The following AUTS2 variants were observed in gnomAD, a reference collection of about 807,000 sequenced individuals.
The protein encoded by AUTS2 is autism susceptibility gene 2 protein.
Under a neutral mutation model 112.4 loss-of-function variants are expected in AUTS2, and 17 were observed. The ratio of observed to expected loss-of-function variants is 0.15; its 90% confidence interval spans 0.10 to 0.23. AUTS2 has a LOEUF of 0.23. Ranked by LOEUF, AUTS2 falls within the 10% of genes least tolerant of loss-of-function variation. AUTS2 has a pLI of 1.00. For missense variants in AUTS2, 1,510 were observed against 1,701.6 expected, an observed-to-expected ratio of 0.89 and a Z score of 1.98; for synonymous variants, 751 against 702.7, an observed-to-expected ratio of 1.07 and a Z score of -1.09.
chr7:70,475,154 T>C (rs1181673321), intron 5 of AUTS2, among the ~76,000 whole-genome samples: 1 of 152,250 alleles, frequency 6.6e-6, no homozygotes, highest in East Asian at 1.9e-4. Flanking sequence ...CTCTGCCCCA[T>C]GGCTAGAGAC....
intron 2 of AUTS2, among the ~76,000 whole-genome samples, chr7:70,066,038 G>T (rs1210671381): frequency 6.6e-6 from 1 of 152,202 alleles, no homozygotes. Context: ...GATCAGTTGT[G>T]TGTTAGCAGC....
intron 1 of AUTS2, among the ~76,000 whole-genome samples, chr7:69,748,031 T>C (rs565967309): frequency 6.7e-6 from 1 of 149,100 alleles, no homozygotes; most frequent in South Asian, 2.1e-4. Context: ...AGAATAAATT[T>C]ATGGATTTTT....
intron 4 of AUTS2, among the ~76,000 whole-genome samples, chr7:70,426,544 T>A (rs1168721401): frequency 6.6e-6 from 1 of 152,180 alleles, no homozygotes; most frequent in Admixed American, 6.5e-5. Flanking sequence ...AGTGTCTCAT[T>A]TAACGGCACC....
chr7:69,832,386 C>T (rs572107238), intron 1 of AUTS2, among the ~76,000 whole-genome samples: 11 of 152,230 alleles, frequency 7.2e-5, no homozygotes, highest in Admixed American at 2.0e-4. Flanking sequence ...TCTAGAATGA[C>T]GTTGCAGTTG....
At chr7:69,679,514 G>T (rs929858466) in intron 1 of AUTS2, among the ~76,000 whole-genome samples, 2 of 152,160 alleles carry the variant, frequency 1.3e-5, no homozygotes, top group East Asian at 1.9e-4. Context: ...TTGATTTTAT[G>T]GAAATAAATG....
intron 4 of AUTS2, among the ~76,000 whole-genome samples, chr7:70,330,284 C>T (rs1335019639): frequency 3.3e-5 from 5 of 152,180 alleles, no homozygotes; most frequent in South Asian, 2.1e-4. Context: ...TGTTGATCCA[C>T]GTTGAATTAA....
chr7:70,742,298 C>T (rs1275366660), intron 6 of AUTS2, among the ~76,000 whole-genome samples: 3 of 152,190 alleles, frequency 2.0e-5, no homozygotes, highest in African/African-American at 4.8e-5. Flanking sequence ...CTCCCCCCGC[C>T]AGAGGAATAT....
At chr7:70,078,067 C>G (rs929868573) in intron 2 of AUTS2, among the ~76,000 whole-genome samples, 1 of 152,138 alleles carries the variant, frequency 6.6e-6, no homozygotes, top group Non-Finnish European at 1.5e-5. Context: ...GGCCTGTACT[C>G]AGGGTCAGGC....
intron 5 of AUTS2, among the ~76,000 whole-genome samples, chr7:70,444,302 G>A (rs1403424003): frequency 1.3e-4 from 20 of 151,488 alleles, no homozygotes; most frequent in Non-Finnish European, 4.4e-5. Context: ...GGGTTGCAGA[G>A]TGTTCTGTCT....
intron 1 of AUTS2, among the ~76,000 whole-genome samples, chr7:69,646,301 A>G (rs1562783067): frequency 6.6e-6 from 1 of 152,212 alleles, no homozygotes; most frequent in African/African-American, 2.4e-5. Flanking sequence ...TCTTTAAATA[A>G]TGTATTAGGA....
At chr7:70,075,722 A>T (rs2129563707) in intron 2 of AUTS2, among the ~76,000 whole-genome samples, 1 of 152,330 alleles carries the variant, frequency 6.6e-6, no homozygotes, top group Admixed American at 6.5e-5. Context: ...GAATTGTAGA[A>T]ACTGTAGACC....
chr7:70,302,739 G>C (rs973005870), intron 4 of AUTS2, among the ~76,000 whole-genome samples: 1 of 151,996 alleles, frequency 6.6e-6, no homozygotes, highest in Admixed American at 6.6e-5. Flanking sequence ...TTACCAATTT[G>C]ATGGTCTTGA....
At chr7:70,303,434 G>GCACA (rs1427875852) in intron 4 of AUTS2, among the ~76,000 whole-genome samples, 2,310 of 142,010 alleles carry the variant, frequency 0.016, 42 homozygotes, top group African/African-American at 0.034. Context: ...GCGCGCGCGC[G>GCACA]CACATACACA....
chr7:69,954,589 C>T (rs1797147009), intron 2 of AUTS2, among the ~76,000 whole-genome samples: 1 of 152,192 alleles, frequency 6.6e-6, no homozygotes, highest in Admixed American at 6.5e-5. Flanking sequence ...AGAATGGTGC[C>T]TTGTTCTCAA....
intron 5 of AUTS2, among the ~76,000 whole-genome samples, chr7:70,630,819 T>C (rs1391379551): frequency 6.6e-6 from 1 of 152,224 alleles, no homozygotes. Flanking sequence ...TAAAGCAACC[T>C]TTATTTTATG....
At chr7:70,260,687 A>G (rs1319064592) in intron 4 of AUTS2, among the ~76,000 whole-genome samples, 1 of 151,764 alleles carries the variant, frequency 6.6e-6, no homozygotes, top group Non-Finnish European at 1.5e-5. Context: ...CAGCAGTCCC[A>G]CTCCTAGGTA....
chr7:69,918,202 G>A lies in AUTS2; in HGVS notation c.522+18704G>A, dbSNP rs116309211. Among the ~76,000 whole-genome samples the A allele has an allele frequency of 1.9e-3, 288 of 152,280 alleles. 1 individual carries two copies. Among genetic ancestry groups the A allele is most frequent in the African/African-American group, 6.6e-3 (276 of 41,566 alleles). On this transcript the variant is annotated intron_variant, in intron 2 of 18. Transcript: ENST00000342771. ...TTGTTAGAATTTAATGTGGCATAGG[G>A]AAAGGAAAATGAATTTTAGAGGACC...
At chr7:70,030,852 A>G (rs1800743875) in intron 2 of AUTS2, among the ~76,000 whole-genome samples, 1 of 152,160 alleles carries the variant, frequency 6.6e-6, no homozygotes, top group African/African-American at 2.4e-5. Flanking sequence ...TGAGCTAATT[A>G]TCCTAGTCAT....
chr7:70,550,895 A>G (rs1260376434), intron 5 of AUTS2, among the ~76,000 whole-genome samples: 1 of 152,164 alleles, frequency 6.6e-6, no homozygotes, highest in Non-Finnish European at 1.5e-5. Flanking sequence ...TTCTCCAATA[A>G]AAAGAACTAG....
Sources: gnomAD v4.1 joint callset for allele counts (sites outside exome capture counted in the v4.1 genomes callset) on GRCh38, gnomAD v4.1.1 for gene constraint, MANE v1.5 for transcripts, NCBI Gene and HGNC (gene_info 2026-07-23, HGNC 2026-07-21) for gene names.